The following RUNDC1 variants were observed in gnomAD, a reference collection of about 807,000 sequenced individuals.
RUNDC1 encodes the protein RUN domain-containing protein 1.
In RUNDC1, 31 loss-of-function variants were observed where a neutral mutation model predicts 49.3. The observed-to-expected ratio is 0.63, with a 90% CI of 0.47 to 0.85. The LOEUF is 0.85. Ranked by LOEUF, RUNDC1 falls within the 40% of genes least tolerant of loss-of-function variation. The pLI is 0.00. For missense variants in RUNDC1, 715 were observed against 806.7 expected (o/e 0.89, Z 1.38); for synonymous variants, 347 against 348.6 (o/e 1.00, Z 0.05).
chr17:42,986,604 C>T (rs1407642564), intron 1 of RUNDC1, among the ~76,000 whole-genome samples: 5 of 152,038 alleles, frequency 3.3e-5, no homozygotes, highest in East Asian at 3.9e-4. Context: ...TTCACGCCAT[C>T]CTCCTGCTTC....
chr17:42,993,682 T>G lies in RUNDC1; in HGVS notation c.*1966T>G, dbSNP rs1026099094. 3.9e-5 allele frequency: 6 copies of G among 152,196 alleles called. No individual in the cohort carries two copies. Among genetic ancestry groups the G allele is most frequent in the African/African-American group, 1.4e-4 (6 of 41,448 alleles). 9.4% of individuals were successfully genotyped at this position (152,196 alleles called of 1,614,324 possible). On this transcript the variant is annotated 3_prime_UTR_variant, in exon 5 of 5. Transcript: ENST00000361677. The stretch of plus-strand genomic sequence containing the variant: ...CATCTGATCCAGATCAATATTTTTT[T>G]GAAAACTGCCTGTATCCTCTGTCCT...
chr17:42,984,830 T>C (rs1181325736), intron 1 of RUNDC1, among the ~76,000 whole-genome samples: 2 of 151,864 alleles, frequency 1.3e-5, no homozygotes, highest in African/African-American at 4.8e-5. Flanking sequence ...GACAACTTTC[T>C]CCACTCAGAG....
rs1008017944 is a variant in RUNDC1 at position 42,994,768 on chromosome 17, T to C, written c.*3052T>C. On this transcript the variant is annotated 3_prime_UTR_variant, in exon 5 of 5. Transcript: ENST00000361677. Reference sequence around the variant, plus strand: ...GTCAGATATCTGCTAAGCTCTGATATCATCTGTCATTACTGAGAACAGAGC... The same window carrying C: ...GTCAGATATCTGCTAAGCTCTGATACCATCTGTCATTACTGAGAACAGAGC... Among the ~76,000 whole-genome samples the C allele has an allele frequency of 1.6e-4, 24 of 152,276 alleles. No individual in the cohort carries two copies. Among genetic ancestry groups the C allele is most frequent in the Admixed American group, 6.5e-5 (1 of 15,278 alleles).
Position 42,989,324 on chromosome 17 carries a change from G to A in RUNDC1, c.658-17G>A. ...AAAAATTCCAAAGGGTGTGCTCATT[G>A]CTTGTGATCTTGGTAGGTGATCATA... is the stretch of plus-strand genomic sequence containing the variant. On this transcript the variant is annotated splice_polypyrimidine_tract_variant and intron_variant, in intron 2 of 4. Coordinates refer to ENST00000361677, the MANE Select transcript of RUNDC1 (RefSeq NM_173079.5). 1 of 1,607,310 alleles carries A rather than the reference G, an allele frequency of 6.2e-7. No individual in the cohort carries two copies. The highest frequency in any genetic ancestry group is 8.5e-7 in the Non-Finnish European group (1 of 1,174,640).
At chr17:42,983,216 T>TAAAA (rs60468535) in intron 1 of RUNDC1, among the ~76,000 whole-genome samples, 1 of 130,566 alleles carries the variant, frequency 7.7e-6, no homozygotes, top group African/African-American at 2.9e-5. Flanking sequence ...TGTACCACCT[T>TAAAA]AAAAAAAAAA....
In RUNDC1 at chr17:42,993,428, T is replaced by C. The variant is rs2050271082; in HGVS notation, c.*1712T>C. ...TGCACTTTGTTTCTGCACTATTATG[T>C]AGTGCATTTTAACTTAAATTTTTTC... On this transcript the variant is annotated 3_prime_UTR_variant, in exon 5 of 5. Transcript: ENST00000361677. The C allele has an allele frequency of 6.6e-6, 1 of 152,216 alleles. No individual in the cohort carries two copies. Among genetic ancestry groups the C allele is most frequent in the South Asian group, 2.1e-4 (1 of 4,828 alleles). 9.4% of individuals were successfully genotyped at this position (152,216 alleles called of 1,614,324 possible). A position where few individuals can be genotyped will look rare whatever the true frequency, so the allele number is the denominator to read the frequency against.
At chr17:42,981,173 C>T in intron 1 of RUNDC1, 99 bp downstream of exon 1, 2 of 1,393,584 alleles carry the variant, frequency 1.4e-6, no homozygotes, top group Non-Finnish European at 9.5e-7. Flanking sequence ...GAGAAGCCTC[C>T]CCGACTCGGT....
At position 42,992,634 on chromosome 17, in the gene RUNDC1, C is replaced by G. The variant is rs578052586; in HGVS notation, c.*918C>G. ...TCCTGTTAGTTAAGCTATCTTCTTTCACTTGAAGCAGGTTTGAGAGGCCTA... is the reference window on the plus strand; with the variant it reads ...TCCTGTTAGTTAAGCTATCTTCTTTGACTTGAAGCAGGTTTGAGAGGCCTA... On this transcript the variant is annotated 3_prime_UTR_variant, in exon 5 of 5. Transcript: ENST00000361677. 1 of 150,160 alleles carries G rather than the reference C, an allele frequency of 6.7e-6. No individual in the cohort carries two copies. Among genetic ancestry groups the G allele is most frequent in the Admixed American group, 6.6e-5 (1 of 15,052 alleles). 9.3% of individuals were successfully genotyped at this position (150,160 alleles called of 1,614,324 possible).
Position 42,991,690 on chromosome 17 carries a change from C to A in RUNDC1, c.1816C>A (p.Leu606Ile). The part of the protein sequence containing the change: ...SLPVDLAVRQ[L>I]KNIKDAF The stretch of plus-strand genomic sequence containing the variant: ...CCCTGTAGATCTGGCTGTGCGCCAG[C>A]TCAAAAACATCAAAGATGCCTTTTG... Residue 606 changes from leucine (L) to isoleucine (I), a missense_variant, in exon 5 of 5, where the codon CTC (leucine) becomes ATC (isoleucine). By Grantham distance (5) the Leu-to-Ile change is conservative. This residue lies in a region of RUNDC1 where 425 missense variants were observed against 499.7 expected (regional missense o/e 0.85). Coordinates refer to ENST00000361677, the MANE Select transcript of RUNDC1 (RefSeq NM_173079.5). 6.2e-7 allele frequency: 1 copy of A among 1,613,030 alleles called. No homozygotes were observed. The highest frequency in any genetic ancestry group is 8.5e-7 in the Non-Finnish European group (1 of 1,179,572).
At position 42,987,434 on chromosome 17, in the gene RUNDC1, AC is replaced by A; in HGVS notation, c.657+22del. 5 of 1,611,704 alleles carry A rather than the reference AC, an allele frequency of 3.1e-6. No individual in the cohort carries two copies. The highest frequency in any genetic ancestry group is 4.2e-6 in the Non-Finnish European group (5 of 1,178,212). On this transcript the variant is annotated intron_variant, in intron 2 of 4. Transcript: ENST00000361677. Reference sequence around the variant, plus strand: ...CAGCGGGTGAGCAGACCCCAGAGGAACCTCCACCACTGCCCGAGGTTAACTT... The same window carrying A: ...CAGCGGGTGAGCAGACCCCAGAGGAACTCCACCACTGCCCGAGGTTAACTT...
rs578105215 is a variant in RUNDC1, at chr17:42,992,568, C to CAA, written c.*874_*875dup. On this transcript the variant is annotated 3_prime_UTR_variant, in exon 5 of 5. Coordinates refer to ENST00000361677, the MANE Select transcript of RUNDC1 (RefSeq NM_173079.5). ...TGGGCAACACAGGGAGACTCCATCT[C>CAA]AAAAAAAAAAAAAAAAAAAAAAAGA... The CAA allele has an allele frequency of 0.022, 1,138 of 52,722 alleles. 19 individuals carry two copies. The highest frequency in any genetic ancestry group is 0.024 in the Non-Finnish European group (632 of 26,696). The allele number at this position is 52,722 out of a possible 1,614,324, so 3.3% of individuals were successfully genotyped here.
chr17:42,994,205 T>G lies in RUNDC1; in HGVS notation c.*2489T>G, dbSNP rs899869979. 1.3e-5 allele frequency among the ~76,000 whole-genome samples: 2 copies of G among 152,250 alleles called. No homozygotes were observed. The highest frequency in any genetic ancestry group is 2.4e-5 in the African/African-American group (1 of 41,462). The stretch of plus-strand genomic sequence containing the variant: ...CTTGTCTGGATATCACTTTGGGTGG[T>G]AACTGGTATAGCCATATGGCGTAGC... On this transcript the variant is annotated 3_prime_UTR_variant, in exon 5 of 5. Coordinates refer to ENST00000361677, the MANE Select transcript of RUNDC1 (RefSeq NM_173079.5).
intron 1 of RUNDC1, chr17:42,981,393 T>G: frequency 3.0e-6 from 1 of 331,190 alleles, no homozygotes; most frequent in Non-Finnish European, 5.5e-6. Context: ...CTGCGCCCAC[T>G]CACCTTTCCC....
chr17:42,985,093 G>A (rs1186167508), intron 1 of RUNDC1, among the ~76,000 whole-genome samples: 1 of 151,808 alleles, frequency 6.6e-6, no homozygotes, highest in Non-Finnish European at 1.5e-5. Flanking sequence ...CACCATGTTG[G>A]CCAGGCTGGT....
chr17:42,986,578 A>G (rs2050174849), intron 1 of RUNDC1, among the ~76,000 whole-genome samples: 1 of 151,712 alleles, frequency 6.6e-6, no homozygotes, highest in Non-Finnish European at 1.5e-5. Context: ...GCTCACTGCA[A>G]GCTCCGCCTC....
Position 42,987,333 on chromosome 17 carries a change from G to A in RUNDC1, c.576G>A (p.Gln192=). 6.2e-7 allele frequency: 1 copy of A among 1,614,076 alleles called. No homozygotes were observed. Among genetic ancestry groups the A allele is most frequent in the Non-Finnish European group, 8.5e-7 (1 of 1,179,976 alleles). ...AACTGATACTGCAGCTCAAGACCCA[G>A]CTAGATGACCTGGAAACGTTTGCCT... ...QKELILQLKT[Q]LDDLETFAYQ... The change falls in exon 2 of 5, where the codon CAG becomes CAA. Residue 192 remains glutamine, a synonymous_variant. Transcript: ENST00000361677.
At chr17:42,988,556 T>A (rs1344079175) in intron 2 of RUNDC1, among the ~76,000 whole-genome samples, 1 of 152,128 alleles carries the variant, frequency 6.6e-6, no homozygotes, top group African/African-American at 2.4e-5. Context: ...CCCAGCCTAT[T>A]ATCAGAATTT....
intron 3 of RUNDC1, 110 bp downstream of exon 3, chr17:42,989,649 G>A (rs1264008079): frequency 2.1e-5 from 21 of 1,000,288 alleles, no homozygotes; most frequent in African/African-American, 3.2e-5. Context: ...TTTTTTGGGC[G>A]GTGGGGACAG....
chr17:42,989,596 T>C (rs778672028), intron 3 of RUNDC1, 57 bp downstream of exon 3: 122 of 1,462,138 alleles, frequency 8.3e-5, no homozygotes, highest in Non-Finnish European at 1.2e-4. Flanking sequence ...ATTATACTTA[T>C]TCTAAGTACT....
Sources: gnomAD v4.1 joint callset for allele counts (sites outside exome capture counted in the v4.1 genomes callset) on GRCh38, gnomAD v4.1.1 for gene constraint, gnomAD v4.1.1 regional missense constraint, MANE v1.5 for transcripts, NCBI Gene and HGNC (gene_info 2026-07-23, HGNC 2026-07-21) for gene names.